Variants in SMAD4 observed in about 807,000 individuals in gnomAD.
SMAD4 encodes the protein MAD homolog 4.
In SMAD4, 7 loss-of-function variants were observed where a neutral mutation model predicts 63.2. That is an observed-to-expected ratio of 0.11 (90% CI 0.06 to 0.21). SMAD4 has a LOEUF of 0.21. Ranked by LOEUF, SMAD4 falls within the 10% of genes least tolerant of loss-of-function variation. The pLI, the probability that SMAD4 is intolerant of heterozygous loss-of-function variation, is 1.00. For missense variants in SMAD4, 312 were observed against 693.8 expected (o/e 0.45, Z 6.18); for synonymous variants, 215 against 235.4 (o/e 0.91, Z 0.79).
chr18:51,061,432 C>G (rs987973128), intron 8 of SMAD4, among the ~76,000 whole-genome samples: 13 of 152,112 alleles, frequency 8.5e-5, no homozygotes, highest in African/African-American at 2.9e-4. Context: ...TTTTTAGATC[C>G]CACAGATAAG....
intron 9 of SMAD4, among the ~76,000 whole-genome samples, chr18:51,065,938 G>A (rs2035277957): frequency 6.6e-6 from 1 of 152,164 alleles, no homozygotes; most frequent in African/African-American, 2.4e-5. Flanking sequence ...AATATTAAAT[G>A]AGAACATGTT....
chr18:51,068,635 A>T (rs1188421959), intron 10 of SMAD4, among the ~76,000 whole-genome samples: 1 of 152,116 alleles, frequency 6.6e-6, no homozygotes, highest in African/African-American at 2.4e-5. Flanking sequence ...AACAATACAT[A>T]AGGCCTGATT....
intron 5 of SMAD4, among the ~76,000 whole-genome samples, chr18:51,056,552 G>A (rs925441395): frequency 6.7e-5 from 10 of 149,814 alleles, no homozygotes; most frequent in African/African-American, 2.2e-4. Flanking sequence ...CCCGGGAGGC[G>A]GAGCTTGCAG....
chr18:51,061,056 A>G (rs1199736204), intron 8 of SMAD4, among the ~76,000 whole-genome samples: 1 of 151,798 alleles, frequency 6.6e-6, no homozygotes, highest in Admixed American at 6.6e-5. Context: ...TTAAAAAAAT[A>G]TATTTTTAAA....
At chr18:51,058,282 G>GA in intron 6 of SMAD4, 38 bp downstream of exon 6, 1 of 1,610,978 alleles carries the variant, frequency 6.2e-7, no homozygotes, top group African/African-American at 1.3e-5. Flanking sequence ...AAATAGTTGA[G>GA]AAAAAAGTAG....
chr18:51,053,699 T>C (rs542599493), intron 4 of SMAD4: 4 of 152,176 alleles, frequency 2.6e-5, no homozygotes, highest in Non-Finnish European at 5.9e-5. Context: ...GTAACTTAAC[T>C]GATATTTACA....
rs189383531 is a variant in SMAD4, at chr18:51,030,875, A to G, written c.-128+252A>G. 6.1e-3 allele frequency among the ~76,000 whole-genome samples: 923 copies of G among 151,492 alleles called. 1 individual carries two copies. The highest frequency in any genetic ancestry group is 0.021 in the Middle Eastern group (6 of 290). ...TTGCAGCTCGTGGGAGAATCAAGTT[A>G]AACTCGGACGGGACTCCTGCCGCGG... On this transcript the variant is annotated intron_variant, in intron 1 of 11. Transcript: ENST00000342988.
chr18:51,043,472 C>T (rs1283914075), intron 1 of SMAD4, among the ~76,000 whole-genome samples: 2 of 152,108 alleles, frequency 1.3e-5, no homozygotes, highest in South Asian at 2.1e-4. Flanking sequence ...TTATTTATAT[C>T]GATATTATGC....
rs1910583200 is a variant in SMAD4, at chr18:51,080,410, C to T, written c.*1943C>T. ...TTTTATTGGCAGTTTTATAAAAAGACATCTTCTCTAGAAATTGCTAACTTT... is the reference window on the plus strand; with the variant it reads ...TTTTATTGGCAGTTTTATAAAAAGATATCTTCTCTAGAAATTGCTAACTTT... On this transcript the variant is annotated 3_prime_UTR_variant, in exon 12 of 12. Transcript: ENST00000342988. 4.3e-6 allele frequency: 1 copy of T among 231,068 alleles called. No individual in the cohort carries two copies. Among genetic ancestry groups the T allele is most frequent in the Non-Finnish European group, 8.6e-6 (1 of 116,926 alleles). 14.3% of individuals were successfully genotyped at this position (231,068 alleles called of 1,614,324 possible).
chr18:51,045,391 A>G (rs1909512537), intron 1 of SMAD4, among the ~76,000 whole-genome samples: 1 of 152,214 alleles, frequency 6.6e-6, no homozygotes, highest in African/African-American at 2.4e-5. Context: ...CAAATAAAAT[A>G]CAAACAAGCA....
chr18:51,084,012 GCACACACACACACA>G lies in SMAD4; in HGVS notation c.*5564_*5577del, dbSNP rs56017493. The G allele has an allele frequency of 9.2e-5, 15 of 162,880 alleles. No individual in the cohort carries two copies. The highest frequency in any genetic ancestry group is 3.7e-4 in the African/African-American group (13 of 35,206). 10.1% of individuals were successfully genotyped at this position (162,880 alleles called of 1,614,324 possible). A position where few individuals can be genotyped will look rare whatever the true frequency, so the allele number is the denominator to read the frequency against. ...TTAACGCGCGTGCGCACGCGCGCGC[GCACACACACACACA>G]CACACACACACACACACAGGTCAGA... On this transcript the variant is annotated 3_prime_UTR_variant, in exon 12 of 12. Transcript: ENST00000342988.
intron 10 of SMAD4, among the ~76,000 whole-genome samples, chr18:51,072,595 G>C (rs187352936): frequency 6.6e-6 from 1 of 152,184 alleles, no homozygotes; most frequent in South Asian, 2.1e-4. Context: ...ATATAGTATT[G>C]CATTTAAGCC....
At chr18:51,052,678 A>AGCT in intron 4 of SMAD4, 1 of 277,230 alleles carries the variant, frequency 3.6e-6, no homozygotes, top group South Asian at 3.3e-5. Flanking sequence ...AAAGGTATAC[A>AGCT]GTGAAAAGAA....
At chr18:51,072,344 AAT>A (rs1450422504) in intron 10 of SMAD4, among the ~76,000 whole-genome samples, 2 of 152,108 alleles carry the variant, frequency 1.3e-5, no homozygotes, top group East Asian at 3.8e-4. Flanking sequence ...TTCCTGTGTT[AAT>A]ATTGAGTTGG....
Position 51,080,963 on chromosome 18 carries a change from A to G in SMAD4, c.*2496A>G, listed in dbSNP as rs1910598390. The stretch of plus-strand genomic sequence containing the variant: ...AAGCCACCTGTCTTGGTTTCTTTCT[A>G]CTAAGAGCCATAAAGTATAGAAATA... On this transcript the variant is annotated 3_prime_UTR_variant, in exon 12 of 12. Coordinates refer to ENST00000342988, the MANE Select transcript of SMAD4 (RefSeq NM_005359.6). 1 of 199,828 alleles carries G rather than the reference A, an allele frequency of 5.0e-6. No homozygotes were observed. Among genetic ancestry groups the G allele is most frequent in the South Asian group, 1.9e-4 (1 of 5,220 alleles). 12.4% of individuals were successfully genotyped at this position (199,828 alleles called of 1,614,324 possible). A position where few individuals can be genotyped will look rare whatever the true frequency, so the allele number is the denominator to read the frequency against.
At chr18:51,058,569 C>A in intron 7 of SMAD4, 113 bp downstream of exon 7, 1 of 727,136 alleles carries the variant, frequency 1.4e-6, no homozygotes. Context: ...GATTTTGTTT[C>A]ATTAAATAGT....
Position 51,081,599 on chromosome 18 carries a change from A to T in SMAD4, c.*3132A>T, listed in dbSNP as rs1910614071. The T allele has an allele frequency of 8.6e-6, 2 of 232,588 alleles. No individual in the cohort carries two copies. The highest frequency in any genetic ancestry group is 5.6e-5 in the Admixed American group (1 of 17,774). The allele number at this position is 232,588 out of a possible 1,614,324, so 14.4% of individuals were successfully genotyped here. On this transcript the variant is annotated 3_prime_UTR_variant, in exon 12 of 12. Coordinates refer to ENST00000342988, the MANE Select transcript of SMAD4 (RefSeq NM_005359.6). ...CATGGTCTGGCTTAAGGAGAGCCAT[A>T]CTTGAGACATGTGAGTAAACTGAAC...
intron 5 of SMAD4, among the ~76,000 whole-genome samples, chr18:51,056,479 T>C (rs1341566726): frequency 1.3e-5 from 2 of 151,894 alleles, no homozygotes; most frequent in African/African-American, 2.4e-5. Context: ...TGTTCCCTTA[T>C]GTGGTGGCAT....
chr18:51,045,881 A>C (rs933395392), intron 1 of SMAD4, among the ~76,000 whole-genome samples: 1 of 152,194 alleles, frequency 6.6e-6, no homozygotes. Flanking sequence ...AAATGGGATT[A>C]TATAATGTGT....
Sources: gnomAD v4.1 joint callset for allele counts (sites outside exome capture counted in the v4.1 genomes callset) on GRCh38, gnomAD v4.1.1 for gene constraint, MANE v1.5 for transcripts, NCBI Gene and HGNC (gene_info 2026-07-23, HGNC 2026-07-21) for gene names.